NALF1: variants seen among roughly 807,000 people sequenced by gnomAD.
NALF1 encodes NALCN channel auxiliary factor 1, also known as family with sequence similarity 155 member A.
Under a neutral mutation model 48.4 loss-of-function variants are expected in NALF1, and 3 were observed. The ratio of observed to expected loss-of-function variants is 0.06; its 90% CI spans 0.03 to 0.16. NALF1 has a LOEUF of 0.16. Ranked by LOEUF, NALF1 falls within the 10% of genes least tolerant of loss-of-function variation. NALF1 has a pLI of 1.00. For missense variants in NALF1, 526 were observed against 571.5 expected (o/e 0.92, Z 0.81); for synonymous variants, 262 against 245.7 (o/e 1.07, Z -0.62).
chr13:107,694,378 G>A (rs925056074), intron 1 of NALF1, among the ~76,000 whole-genome samples: 2 of 152,046 alleles, frequency 1.3e-5, no homozygotes, highest in Non-Finnish European at 2.9e-5. Flanking sequence ...AAGGCAGGCT[G>A]CATTTGCTTC....
At chr13:107,714,797 G>A (rs752896674) in intron 1 of NALF1, among the ~76,000 whole-genome samples, 11 of 152,074 alleles carry the variant, frequency 7.2e-5, no homozygotes, top group Middle Eastern at 3.4e-3. Flanking sequence ...ATTAGGTGCC[G>A]TATCCATGAC....
Position 107,368,506 on chromosome 13 carries a change from C to T in NALF1, c.916-157751G>A, listed in dbSNP as rs183569218. Among the ~76,000 whole-genome samples the T allele has an allele frequency of 2.5e-3, 374 of 152,220 alleles. 8 individuals carry two copies. The highest frequency in any genetic ancestry group is 0.017 in the Admixed American group (262 of 15,296). ...GCTCAAAGTACCATCAGCAGGGCCA[C>T]GCTTGCTCCAGAGACTCTGGGGGCA... On this transcript the variant is annotated intron_variant, in intron 1 of 2. Coordinates refer to ENST00000375915, the MANE Select transcript of NALF1 (RefSeq NM_001080396.3).
chr13:107,716,919 AC>A (rs1413648872), intron 1 of NALF1, among the ~76,000 whole-genome samples: 1 of 152,160 alleles, frequency 6.6e-6, no homozygotes, highest in African/African-American at 2.4e-5. Context: ...AGCCCAGGAT[AC>A]TTTGAATAAA....
In NALF1 at chr13:107,866,021, G is replaced by A. The variant is rs747293732; in HGVS notation, c.576C>T (p.Ala192=). ...FTVENADAVC[A]RNWSRGAAGG... is the part of the protein sequence containing the mutation. Reference sequence around the variant, plus strand: ...CGGCCGCCCCCCGACTCCAGTTCCTGGCGCACACCGCGTCCGCATTCTCCA... The same window carrying A: ...CGGCCGCCCCCCGACTCCAGTTCCTAGCGCACACCGCGTCCGCATTCTCCA... The change falls in exon 1 of 3, where the codon GCC becomes GCT. Residue 192 remains alanine, a synonymous_variant. Coordinates refer to ENST00000375915, the MANE Select transcript of NALF1 (RefSeq NM_001080396.3). This position sits in a 1 kb window ranked among gnomAD's most constrained non-coding sequence, Gnocchi z 4.4. 4 of 1,612,030 alleles carry A rather than the reference G, an allele frequency of 2.5e-6. No homozygotes were observed. The Admixed American group carries it at 6.7e-5, about 27-fold the overall frequency.
At chr13:107,205,324 G>C in intron 2 of NALF1, among the ~76,000 whole-genome samples, 1 of 152,078 alleles carries the variant, frequency 6.6e-6, no homozygotes, top group Admixed American at 6.5e-5. Flanking sequence ...TTCTTTTGCA[G>C]TTGTGAAGTC....
In NALF1 at chr13:107,598,941, G is replaced by A. The variant is rs190998559; in HGVS notation, c.915+266741C>T. 1.6e-3 allele frequency among the ~76,000 whole-genome samples: 239 copies of A among 152,146 alleles called. 1 individual carries two copies. Among genetic ancestry groups the A allele is most frequent in the African/African-American group, 5.4e-3 (225 of 41,510 alleles). On this transcript the variant is annotated intron_variant, in intron 1 of 2. Transcript: ENST00000375915. ...TGTTGGTGTCTTCTTGCTTTTTGCT[G>A]CTCTTCCCGCCAAGACTAGAAAAGT...
intron 1 of NALF1, among the ~76,000 whole-genome samples, chr13:107,860,188 C>T (rs1320990139): frequency 3.3e-5 from 5 of 152,192 alleles, no homozygotes; most frequent in Non-Finnish European, 1.5e-5. Context: ...ATGATCCCTT[C>T]TAGCACATTC....
intron 1 of NALF1, among the ~76,000 whole-genome samples, chr13:107,514,135 G>A (rs1474043300): frequency 6.6e-6 from 1 of 152,152 alleles, no homozygotes; most frequent in Non-Finnish European, 1.5e-5. Context: ...ACGTAAGCTG[G>A]AATTCAAAGA....
chr13:107,717,044 G>A (rs750742261), intron 1 of NALF1, among the ~76,000 whole-genome samples: 3 of 152,122 alleles, frequency 2.0e-5, no homozygotes, highest in Non-Finnish European at 4.4e-5. Context: ...GTGCTTAGCA[G>A]GTAGATATTT....
At chr13:107,349,793 T>C (rs184633696) in intron 1 of NALF1, among the ~76,000 whole-genome samples, 54 of 151,020 alleles carry the variant, frequency 3.6e-4, no homozygotes, top group Middle Eastern at 3.5e-3. Flanking sequence ...CCGTGCAAGA[T>C]AGCCATAAGT....
intron 1 of NALF1, among the ~76,000 whole-genome samples, chr13:107,299,446 A>ATAATAATAATAT: frequency 2.1e-5 from 1 of 48,196 alleles, no homozygotes; most frequent in Admixed American, 2.0e-4. Flanking sequence ...AATAATAATA[A>ATAATAATAATAT]TAATAATAAT....
chr13:107,340,821 T>C (rs1882666516), intron 1 of NALF1, among the ~76,000 whole-genome samples: 1 of 152,214 alleles, frequency 6.6e-6, no homozygotes. Flanking sequence ...TTAAATAAGC[T>C]ACTCTACTTT....
intron 1 of NALF1, among the ~76,000 whole-genome samples, chr13:107,749,169 C>A (rs946294500): frequency 8.0e-6 from 1 of 124,658 alleles, no homozygotes; most frequent in African/African-American, 3.4e-5. Flanking sequence ...TGTGTGTCTA[C>A]GTGTCTGTGT....
intron 1 of NALF1, among the ~76,000 whole-genome samples, chr13:107,444,503 G>A (rs762535192): frequency 6.6e-6 from 1 of 152,136 alleles, no homozygotes; most frequent in Non-Finnish European, 1.5e-5. Flanking sequence ...ATAAATAAGA[G>A]AGTTGGAATA....
intron 1 of NALF1, among the ~76,000 whole-genome samples, chr13:107,726,467 T>C (rs1014539837): frequency 6.6e-6 from 1 of 152,172 alleles, no homozygotes; most frequent in African/African-American, 2.4e-5. Flanking sequence ...AGATACATGA[T>C]ACTAAGGTGT....
chr13:107,604,744 A>C (rs1380441557), intron 1 of NALF1, among the ~76,000 whole-genome samples: 2 of 152,154 alleles, frequency 1.3e-5, no homozygotes, highest in Non-Finnish European at 2.9e-5. Context: ...TGCTACTTCC[A>C]AGCTACCCGG....
At chr13:107,320,984 C>T (rs1380250063) in intron 1 of NALF1, 2 of 164,772 alleles carry the variant, frequency 1.2e-5, no homozygotes, top group East Asian at 2.8e-4. Context: ...ATGGTATTTC[C>T]TATCAACATT....
chr13:107,662,930 T>C (rs1307079667), intron 1 of NALF1, among the ~76,000 whole-genome samples: 1 of 152,158 alleles, frequency 6.6e-6, no homozygotes, highest in Non-Finnish European at 1.5e-5. Context: ...ACATAAATCA[T>C]TAAATATTAA....
At chr13:107,265,340 T>G (rs1881017762) in intron 1 of NALF1, among the ~76,000 whole-genome samples, 1 of 152,246 alleles carries the variant, frequency 6.6e-6, no homozygotes, top group Non-Finnish European at 1.5e-5. Context: ...TCACTGTATT[T>G]TTTAAAACAT....
Sources: gnomAD v4.1 joint callset for allele counts (sites outside exome capture counted in the v4.1 genomes callset) on GRCh38, gnomAD v4.1.1 for gene constraint, Gnocchi (gnomAD v3.1) non-coding constraint, MANE v1.5 for transcripts, NCBI Gene and HGNC (gene_info 2026-07-23, HGNC 2026-07-21) for gene names.